Variants in COL16A1 observed in about 807,000 individuals in gnomAD.
COL16A1 encodes collagen alpha-1(XVI) chain.
In COL16A1, 189 loss-of-function variants were observed where a neutral mutation model predicts 266.3. That is an observed-to-expected ratio of 0.71 (90% CI 0.63 to 0.80). The LOEUF is 0.80. COL16A1 is among the 30% of genes least tolerant of loss of function. The probability of loss-of-function intolerance (pLI) is 0.00; values close to 1 mark genes in which losing one functional copy is unlikely to be tolerated. For missense variants in COL16A1, 1,928 were observed against 2,122.4 expected, an observed-to-expected ratio of 0.91 and a Z score of 1.80; for synonymous variants, 740 against 782.3, an observed-to-expected ratio of 0.95 and a Z score of 0.90.
In COL16A1 at chr1:31,693,934, G is replaced by A. The variant is rs544558971; in HGVS notation, c.1008+210C>T. On this transcript the variant is annotated intron_variant, in intron 12 of 70. Coordinates refer to ENST00000373672, the MANE Select transcript of COL16A1 (RefSeq NM_001856.4). ...GCATAGGTGTGGCCTAAGGCCTGGT[G>A]CACAGAAGGGCCTCAGAAAAGGGCA... is the stretch of plus-strand genomic sequence containing the variant. Among the ~76,000 whole-genome samples, 50 of 152,336 alleles carry A rather than the reference G, an allele frequency of 3.3e-4. No homozygotes were observed. In the Middle Eastern group the frequency reaches 0.02, roughly 62 times the overall value.
chr1:31,689,079 G>A lies in COL16A1; in HGVS notation c.1627C>T (p.Pro543Ser). Residue 543 changes from proline (P) to serine (S), a missense_variant, in exon 24 of 71, where the codon CCT becomes TCT. Physicochemically the swap from Pro to Ser is moderately conservative, Grantham distance 74. Coordinates refer to ENST00000373672, the MANE Select transcript of COL16A1 (RefSeq NM_001856.4). Reference protein sequence around the residue: ...PGDPVPARGDPGIQGIKGEKG... With the variant: ...PGDPVPARGDSGIQGIKGEKG... Reference sequence around the variant, plus strand: ...TCTCCTTTGATGCCTTGGATGCCAGGGTCTCCCTGCAGGGTAAAAAGGTTT... The same window carrying A: ...TCTCCTTTGATGCCTTGGATGCCAGAGTCTCCCTGCAGGGTAAAAAGGTTT... 6.2e-7 allele frequency: 1 copy of A among 1,613,798 alleles called. No individual in the cohort carries two copies. The highest frequency in any genetic ancestry group is 1.1e-5 in the South Asian group (1 of 91,074).
intron 23 of COL16A1, 84 bp downstream of exon 23, chr1:31,689,657 C>T: frequency 9.0e-7 from 1 of 1,105,992 alleles, no homozygotes; most frequent in South Asian, 1.3e-5. Context: ...CCCAGCCCCT[C>T]TGCCCAATTC....
At chr1:31,702,941 G>A (rs1182913826) in intron 1 of COL16A1, among the ~76,000 whole-genome samples, 2 of 151,998 alleles carry the variant, frequency 1.3e-5, no homozygotes, top group African/African-American at 4.8e-5. Flanking sequence ...CAGATAAATC[G>A]ATGCAGGCTC....
chr1:31,683,980 A>G lies in COL16A1; in HGVS notation c.2307T>C (p.Val769=), dbSNP rs201156092. The change falls in exon 33 of 71, where the codon GTT becomes GTC. Residue 769 remains valine (V), a synonymous_variant. Coordinates refer to ENST00000373672, the MANE Select transcript of COL16A1 (RefSeq NM_001856.4). ...GKPGQPGLPG[V]QGPPGLKGVQ... is the part of the protein sequence containing the mutation. ...CGCCCTTCAGTCCTGGGGGCCCTTG[A>G]ACTCCTGGTAGACCGGGTTGGCCCT... The G allele has an allele frequency of 2.0e-5, 33 of 1,614,172 alleles. No individual in the cohort carries two copies. In the Admixed American group the frequency reaches 3.7e-4, roughly 18 times the overall value.
rs529692669 is a variant in COL16A1, at chr1:31,698,629, G to A, written c.267-23C>T. 2 of 1,612,032 alleles carry A rather than the reference G, an allele frequency of 1.2e-6. No individual in the cohort carries two copies. The highest frequency in any genetic ancestry group is 1.1e-5 in the South Asian group (1 of 90,950). On this transcript the variant is annotated intron_variant, in intron 4 of 70. Transcript: ENST00000373672. The surrounding 1 kb of genome is among the most constrained non-coding windows in gnomAD (Gnocchi z 4.1). The stretch of plus-strand genomic sequence containing the variant: ...CTTCTGGAGATGGAGCAGGGAGGGT[G>A]CCCTGAGGCTCCAATGAGGACCCAA...
At chr1:31,692,415 A>T (rs1570567014) in intron 16 of COL16A1, 59 bp downstream of exon 16, 3 of 1,569,568 alleles carry the variant, frequency 1.9e-6, no homozygotes, top group South Asian at 1.2e-5. Context: ...CTCCTTCCTC[A>T]TGGCTGTAGA....
Position 31,662,319 on chromosome 1 carries a change from A to G in COL16A1, c.3681+15T>C. 2.5e-6 allele frequency: 3 copies of G among 1,214,350 alleles called. No individual in the cohort carries two copies. The highest frequency in any genetic ancestry group is 3.5e-6 in the Non-Finnish European group (3 of 852,930). 75.2% of individuals were successfully genotyped at this position (1,214,350 alleles called of 1,614,324 possible). On this transcript the variant is annotated intron_variant, in intron 58 of 70. Coordinates refer to ENST00000373672, the MANE Select transcript of COL16A1 (RefSeq NM_001856.4). ...GAGAGGAAGGGGTGCCCGCCCTCCC[A>G]GCCCATCATCTCACCCTCAAGCCAG...
At position 31,697,034 on chromosome 1, in the gene COL16A1, C is replaced by T. The variant is rs1409084790; in HGVS notation, c.793G>A (p.Glu265Lys). The change falls in exon 8 of 71, where the codon GAG (glutamate) becomes AAG (lysine). Residue 265 changes from glutamate (E) to lysine (K), a missense_variant. By Grantham distance (56) the Glu-to-Lys change is moderately conservative. Transcript: ENST00000373672. The surrounding 1 kb of genome is among the most constrained non-coding windows in gnomAD (Gnocchi z 4.2). ...TTGCCTTCAGACTGTGGATTGATCT[C>T]AATGAGCTCATTGCTCTGGGTGTCC... is the stretch of plus-strand genomic sequence containing the variant. ...RRDTQSNELI[E>K]INPQSEGKVY... The T allele has an allele frequency of 2.5e-6, 4 of 1,614,130 alleles. No individual in the cohort carries two copies. The highest frequency in any genetic ancestry group is 2.5e-6 in the Non-Finnish European group (3 of 1,180,024).
In COL16A1 at chr1:31,660,588, G is replaced by A. The variant is rs1321792239; in HGVS notation, c.3876C>T (p.His1292=). The part of the protein sequence containing the change: ...GPQGRPGPPG[H]VGPPGPPGQP... Reference sequence around the variant, plus strand: ...AGACAAAAGTGGTTCAACTCACAACGTGTCCCGGGGGACCGGGTCTTCCCT... The same window carrying A: ...AGACAAAAGTGGTTCAACTCACAACATGTCCCGGGGGACCGGGTCTTCCCT... Residue 1292 remains histidine (H), a synonymous_variant, in exon 62 of 71, where the codon CAC becomes CAT. Transcript: ENST00000373672. 14 of 1,613,924 alleles carry A rather than the reference G, an allele frequency of 8.7e-6. No individual in the cohort carries two copies. Among genetic ancestry groups the A allele is most frequent in the South Asian group, 5.5e-5 (5 of 91,064 alleles).
intron 52 of COL16A1, 92 bp from the exon 53 acceptor site, chr1:31,666,173 G>A (rs752440424): frequency 4.0e-5 from 55 of 1,361,282 alleles, no homozygotes; most frequent in Middle Eastern, 2.3e-4. Context: ...CAGAACAGAG[G>A]TGGCATGTGC....
At chr1:31,680,608 G>A (rs1449687671) in intron 39 of COL16A1, among the ~76,000 whole-genome samples, 1 of 152,112 alleles carries the variant, frequency 6.6e-6, no homozygotes, top group Non-Finnish European at 1.5e-5. Context: ...GCCCTCCTAA[G>A]GGGGCCTTGG....
At chr1:31,684,677 G>T (rs1029271012) in intron 30 of COL16A1, 47 bp from the exon 31 acceptor site, 3 of 1,608,214 alleles carry the variant, frequency 1.9e-6, no homozygotes, top group African/African-American at 1.3e-5. Context: ...CCAGCCGGGG[G>T]CAGGTTGCCC....
rs1641985857 is a variant in COL16A1, at chr1:31,664,802, G to A, written c.3555+370C>T. Among the ~76,000 whole-genome samples the A allele has an allele frequency of 2.0e-5, 3 of 152,036 alleles. No homozygotes were observed. The highest frequency in any genetic ancestry group is 7.2e-5 in the African/African-American group (3 of 41,392). On this transcript the variant is annotated intron_variant, in intron 56 of 70. Coordinates refer to ENST00000373672, the MANE Select transcript of COL16A1 (RefSeq NM_001856.4). The surrounding 1 kb of genome is among the most constrained non-coding windows in gnomAD (Gnocchi z 5.5). ...TGCTTCCCCCTTCTCTCAGCTCCTCGCTCATCCTCCCGCCCAGGAGACGAA... is the reference window on the plus strand; with the variant it reads ...TGCTTCCCCCTTCTCTCAGCTCCTCACTCATCCTCCCGCCCAGGAGACGAA...
Position 31,695,540 on chromosome 1 carries a change from G to A in COL16A1, c.945+221C>T, listed in dbSNP as rs539555983. ...AGGCTGGGCTCTCCCCATGATGCCCGTGGCCATTTGCTGCCAACTCAGCAG... is the reference window on the plus strand; with the variant it reads ...AGGCTGGGCTCTCCCCATGATGCCCATGGCCATTTGCTGCCAACTCAGCAG... On this transcript the variant is annotated intron_variant, in intron 10 of 70. Coordinates refer to ENST00000373672, the MANE Select transcript of COL16A1 (RefSeq NM_001856.4). Among the ~76,000 whole-genome samples, 56 of 152,196 alleles carry A rather than the reference G, an allele frequency of 3.7e-4. 1 individual carries two copies. The South Asian group carries it at 4.4e-3, about 12-fold the overall frequency.
chr1:31,659,167 C>A (rs1641430153), intron 62 of COL16A1, among the ~76,000 whole-genome samples: 2 of 152,160 alleles, frequency 1.3e-5, no homozygotes. Context: ...GCACACAGGA[C>A]CCTCCCTCCA....
intron 62 of COL16A1, among the ~76,000 whole-genome samples, chr1:31,659,245 A>C (rs1420137265): frequency 6.6e-6 from 1 of 152,192 alleles, no homozygotes; most frequent in Non-Finnish European, 1.5e-5. Context: ...GCCAGAGGCC[A>C]AGTGCAGAGG....
Position 31,688,625 on chromosome 1 carries a change from G to T in COL16A1, c.1768-123C>A. The T allele has an allele frequency of 7.3e-7, 1 of 1,378,988 alleles. No homozygotes were observed. Among genetic ancestry groups the T allele is most frequent in the Non-Finnish European group, 1.0e-6 (1 of 970,202 alleles). 85.4% of individuals were successfully genotyped at this position (1,378,988 alleles called of 1,614,324 possible). On this transcript the variant is annotated intron_variant, in intron 25 of 70. Transcript: ENST00000373672. The surrounding 1 kb of genome is among the most constrained non-coding windows in gnomAD (Gnocchi z 4.9). ...TAGGAATTATGTCCTTCAGGTAGCT[G>T]GACAGTTTCTTCAGTTAGACAACTG... is the stretch of plus-strand genomic sequence containing the variant.
chr1:31,669,149 C>T (rs551815699), intron 49 of COL16A1, among the ~76,000 whole-genome samples: 4 of 152,156 alleles, frequency 2.6e-5, no homozygotes, highest in African/African-American at 9.6e-5. Flanking sequence ...CTCAGGTGCC[C>T]GTCGCTGGTA....
chr1:31,658,383 G>T, intron 64 of COL16A1, 105 bp downstream of exon 64: 1 of 978,678 alleles, frequency 1.0e-6, no homozygotes, highest in Non-Finnish European at 1.6e-6. Flanking sequence ...CATGCTGACA[G>T]CCTCTCCTTC....
Sources: allele counts gnomAD v4.1 joint callset (sites outside exome capture counted in the v4.1 genomes callset), GRCh38; gene constraint gnomAD v4.1.1; non-coding constraint Gnocchi (gnomAD v3.1); transcripts MANE v1.5; gene names NCBI Gene and HGNC (gene_info 2026-07-23, HGNC 2026-07-21).